The following IL27RA variants were observed in gnomAD, a reference collection of about 807,000 sequenced individuals.
IL27RA encodes the protein interleukin 27 receptor subunit alpha, also known as interleukin-27 receptor subunit alpha.
A neutral mutation model predicts 80.8 loss-of-function variants in IL27RA; 61 were observed. The ratio of observed to expected loss-of-function variants is 0.76; its 90% CI spans 0.61 to 0.93. The LOEUF (loss-of-function observed/expected upper bound fraction) is 0.93, where lower values mean the gene tolerates loss of function less well. IL27RA is among the 40% of genes least tolerant of loss of function. IL27RA has a pLI of 0.00. For missense variants in IL27RA, 735 were observed against 808.1 expected, an observed-to-expected ratio of 0.91 and a Z score of 1.10; for synonymous variants, 316 against 332.5, an observed-to-expected ratio of 0.95 and a Z score of 0.54.
rs772509590 is a variant in IL27RA, at chr19:14,039,878, T to C, written c.502T>C (p.Tyr168His). Residue 168 changes from tyrosine to histidine, a missense_variant, in exon 4 of 14, where the codon TAC becomes CAC. Transcript: ENST00000263379. ...SHKVLICQFH[Y>H]RRCQEAAWTL... ...TAAAGTTCTGATCTGCCAGTTCCAC[T>C]ACCGAAGATGTCAGGAGGCGGCCTG... is the stretch of plus-strand genomic sequence containing the variant. 6.2e-6 allele frequency: 10 copies of C among 1,613,998 alleles called. No individual in the cohort carries two copies. In the African/African-American group the frequency reaches 1.3e-4, roughly 22 times the overall value.
At chr19:14,037,707 G>A (rs1022175235) in intron 2 of IL27RA, among the ~76,000 whole-genome samples, 5 of 152,094 alleles carry the variant, frequency 3.3e-5, no homozygotes, top group Non-Finnish European at 7.3e-5. Context: ...CCTCAGGCTG[G>A]GCGTGATGTC....
intron 8 of IL27RA, among the ~76,000 whole-genome samples, chr19:14,047,898 G>A (rs1309728003): frequency 4.0e-5 from 6 of 149,662 alleles, no homozygotes; most frequent in East Asian, 1.9e-4. Context: ...TCTTGACCTC[G>A]TGATCTGCCC....
chr19:14,042,685 C>CA, intron 5 of IL27RA, 31 bp from the exon 6 acceptor site: 1 of 1,613,890 alleles, frequency 6.2e-7, no homozygotes, highest in Non-Finnish European at 8.5e-7. Flanking sequence ...ATGTCCCACT[C>CA]ATTTGTTCCC....
At chr19:14,036,983 G>C (rs1267893751) in intron 2 of IL27RA, among the ~76,000 whole-genome samples, 2 of 152,040 alleles carry the variant, frequency 1.3e-5, no homozygotes. Flanking sequence ...TGACAGGCAT[G>C]CGCCATCACA....
At chr19:14,036,489 CTTTTT>C (rs34609073) in intron 2 of IL27RA, among the ~76,000 whole-genome samples, 2 of 135,372 alleles carry the variant, frequency 1.5e-5, no homozygotes, top group Admixed American at 7.6e-5. Flanking sequence ...ACAGGATTTC[CTTTTT>C]TTTTTTTTTT....
At chr19:14,044,352 G>T (rs1249498504) in intron 6 of IL27RA, among the ~76,000 whole-genome samples, 1 of 151,930 alleles carries the variant, frequency 6.6e-6, no homozygotes, top group Non-Finnish European at 1.5e-5. Flanking sequence ...CGATTCTCCT[G>T]CCTCAGCCTC....
intron 10 of IL27RA, among the ~76,000 whole-genome samples, chr19:14,049,770 C>G (rs1232034876): frequency 1.3e-5 from 2 of 151,706 alleles, no homozygotes; most frequent in South Asian, 4.2e-4. Context: ...TTAGTAGAGA[C>G]AGTTTCACCA....
At chr19:14,043,637 G>A (rs1357880596) in intron 6 of IL27RA, among the ~76,000 whole-genome samples, 2 of 151,236 alleles carry the variant, frequency 1.3e-5, no homozygotes, top group Admixed American at 6.6e-5. Context: ...TCTTGGCCAG[G>A]GGGGCCTTGA....
intron 6 of IL27RA, among the ~76,000 whole-genome samples, chr19:14,045,801 G>C (rs1568502305): frequency 6.6e-6 from 1 of 151,606 alleles, no homozygotes; most frequent in African/African-American, 2.4e-5. Context: ...GAGGCAGGCA[G>C]ATCACTTGAG....
chr19:14,046,669 A>G, intron 8 of IL27RA, 51 bp downstream of exon 8: 1 of 1,490,834 alleles, frequency 6.7e-7, no homozygotes, highest in Non-Finnish European at 9.1e-7. Flanking sequence ...GAGCAGACGG[A>G]TGGGTGGACT....
chr19:14,040,085 T>C (rs978049244), intron 4 of IL27RA, among the ~76,000 whole-genome samples, 175 bp downstream of exon 4: 1 of 151,966 alleles, frequency 6.6e-6, no homozygotes, highest in African/African-American at 2.4e-5. Flanking sequence ...CTCCCATGGC[T>C]GGGCACGGTG....
At position 14,041,546 on chromosome 19, in the gene IL27RA, CA is replaced by C. The variant is rs1333024869; in HGVS notation, c.535-906del. ...TGACTACCTCAGTGCTCAGCTCCAG[CA>C]CACCAGCTCTGTGACCTTGGGCTAG... On this transcript the variant is annotated intron_variant, in intron 4 of 13. Transcript: ENST00000263379. Among the ~76,000 whole-genome samples the C allele has an allele frequency of 8.5e-5, 13 of 152,294 alleles. No individual in the cohort carries two copies. In the East Asian group the frequency reaches 2.5e-3, roughly 29 times the overall value.
chr19:14,039,400 T>A, intron 2 of IL27RA, 108 bp from the exon 3 acceptor site: 1 of 1,305,274 alleles, frequency 7.7e-7, no homozygotes, highest in Non-Finnish European at 1.0e-6. Context: ...GAGGTGGGAT[T>A]TGAACCCAAG....
intron 8 of IL27RA, among the ~76,000 whole-genome samples, chr19:14,047,325 C>T (rs556992037): frequency 1.3e-5 from 2 of 148,896 alleles, no homozygotes; most frequent in African/African-American, 5.0e-5. Flanking sequence ...GCTGGGATTA[C>T]AGGCATGAGC....
chr19:14,050,309 C>T (rs1841602796), intron 10 of IL27RA, among the ~76,000 whole-genome samples: 1 of 152,058 alleles, frequency 6.6e-6, no homozygotes, highest in Admixed American at 6.6e-5. Context: ...TGAGACCAGT[C>T]TGACCAATAT....
chr19:14,050,664 TG>T, intron 10 of IL27RA, 93 bp from the exon 11 acceptor site: 1 of 1,354,680 alleles, frequency 7.4e-7, no homozygotes, highest in East Asian at 2.4e-5. Context: ...TGTGGATACC[TG>T]GGAGAGAGTG....
intron 4 of IL27RA, 58 bp downstream of exon 4, chr19:14,039,968 C>T: frequency 6.5e-7 from 1 of 1,548,600 alleles, no homozygotes; most frequent in Non-Finnish European, 8.9e-7. Flanking sequence ...GAGGCAACAT[C>T]TCCTAATCTG....
intron 6 of IL27RA, 152 bp from the exon 7 acceptor site, chr19:14,046,002 G>A: frequency 1.3e-6 from 1 of 741,658 alleles, no homozygotes; most frequent in Non-Finnish European, 2.2e-6. Context: ...TCCAGTCTGG[G>A]TAACAGAATG....
chr19:14,037,788 C>T (rs918332884), intron 2 of IL27RA, among the ~76,000 whole-genome samples: 4 of 150,742 alleles, frequency 2.7e-5, no homozygotes, highest in African/African-American at 4.9e-5. Flanking sequence ...GCCAGGAGTT[C>T]GAGACCAGTC....
Sources: gnomAD v4.1 joint callset for allele counts (sites outside exome capture counted in the v4.1 genomes callset) on GRCh38, gnomAD v4.1.1 for gene constraint, MANE v1.5 for transcripts, NCBI Gene and HGNC (gene_info 2026-07-23, HGNC 2026-07-21) for gene names.